Variants in GRID2 observed in about 807,000 individuals in gnomAD.
GRID2 encodes the protein glutamate ionotropic receptor delta type subunit 2, also known as glutamate receptor ionotropic, delta-2.
Under a neutral mutation model 114.8 loss-of-function variants are expected in GRID2, and 33 were observed. The observed-to-expected ratio is 0.29, with a 90% confidence interval of 0.22 to 0.38. GRID2 has a LOEUF of 0.38. Ranked by LOEUF, GRID2 falls within the 10% of genes least tolerant of loss-of-function variation. GRID2 has a pLI of 1.00. For missense variants in GRID2, 1,184 were observed against 1,257.7 expected, an observed-to-expected ratio of 0.94 and a Z score of 0.89; for synonymous variants, 505 against 449.9, an observed-to-expected ratio of 1.12 and a Z score of -1.55.
At chr4:92,698,516 G>A (rs1252288042) in intron 2 of GRID2, among the ~76,000 whole-genome samples, 1 of 151,462 alleles carries the variant, frequency 6.6e-6, no homozygotes, top group African/African-American at 2.4e-5. Context: ...TAGCTGGAGG[G>A]TCATATTATG....
intron 1 of GRID2, among the ~76,000 whole-genome samples, chr4:92,399,392 A>G (rs1730668686): frequency 6.6e-6 from 1 of 152,074 alleles, no homozygotes; most frequent in South Asian, 2.1e-4. Context: ...TCCCACTAAC[A>G]GCCGTTGAGC....
At chr4:92,805,459 TTATG>T (rs1740363814) in intron 2 of GRID2, among the ~76,000 whole-genome samples, 1 of 152,042 alleles carries the variant, frequency 6.6e-6, no homozygotes, top group Non-Finnish European at 1.5e-5. Context: ...GTCTGAGAAT[TTATG>T]TAGCAAAAGC....
chr4:92,873,660 C>T (rs939982287), intron 2 of GRID2, among the ~76,000 whole-genome samples: 1 of 152,050 alleles, frequency 6.6e-6, no homozygotes, highest in African/African-American at 2.4e-5. Context: ...GGAGGGAAAT[C>T]TTGCTGAATT....
At chr4:93,631,501 T>A (rs62320927) in intron 14 of GRID2, among the ~76,000 whole-genome samples, 27,546 of 152,208 alleles carry the variant, frequency 0.18, 2,814 homozygotes, top group Middle Eastern at 0.35. Flanking sequence ...TTGCTGAGAA[T>A]GATGGTTTCC....
chr4:93,163,386 A>ATG (rs1560941797), intron 4 of GRID2, among the ~76,000 whole-genome samples: 14 of 45,288 alleles, frequency 3.1e-4, no homozygotes, highest in African/African-American at 1.1e-3. Context: ...ATATATATAT[A>ATG]TATATATATA....
intron 2 of GRID2, among the ~76,000 whole-genome samples, chr4:92,833,168 T>C (rs1272198643): frequency 1.3e-5 from 2 of 152,292 alleles, no homozygotes; most frequent in South Asian, 2.1e-4. Context: ...AATGATTGAG[T>C]TGAAGTCAAG....
chr4:92,451,389 G>T (rs1460083236), intron 1 of GRID2, among the ~76,000 whole-genome samples: 1 of 152,088 alleles, frequency 6.6e-6, no homozygotes. Context: ...AATAGCTGAA[G>T]CCAATATTTT....
chr4:92,993,488 T>A (rs959907833), intron 2 of GRID2, among the ~76,000 whole-genome samples: 6 of 152,140 alleles, frequency 3.9e-5, no homozygotes, highest in Non-Finnish European at 7.4e-5. Context: ...GAATACAAAA[T>A]TTTTCAATAT....
At chr4:92,381,250 G>A (rs1729606612) in intron 1 of GRID2, among the ~76,000 whole-genome samples, 1 of 152,030 alleles carries the variant, frequency 6.6e-6, no homozygotes, top group Non-Finnish European at 1.5e-5. Flanking sequence ...CGGAGTGACT[G>A]AACCAAAATC....
chr4:92,968,607 A>C (rs1223101575), intron 2 of GRID2, among the ~76,000 whole-genome samples: 1 of 152,052 alleles, frequency 6.6e-6, no homozygotes, highest in African/African-American at 2.4e-5. Context: ...TAATTTAGAA[A>C]ACTTAAAAAA....
At chr4:92,438,104 C>A (rs1196329298) in intron 1 of GRID2, among the ~76,000 whole-genome samples, 1 of 152,102 alleles carries the variant, frequency 6.6e-6, no homozygotes, top group Non-Finnish European at 1.5e-5. Flanking sequence ...GACTTTCCAT[C>A]GTTGGTATTG....
intron 2 of GRID2, among the ~76,000 whole-genome samples, chr4:92,842,011 C>G (rs1742934236): frequency 6.6e-6 from 1 of 152,176 alleles, no homozygotes. Flanking sequence ...GAAGTTACTA[C>G]CAAATTGCAG....
At chr4:92,721,172 G>C (rs1482186326) in intron 2 of GRID2, among the ~76,000 whole-genome samples, 1 of 152,080 alleles carries the variant, frequency 6.6e-6, no homozygotes. Context: ...TGGGAAGTTA[G>C]TGTTCAATGG....
At chr4:92,496,621 G>A (rs185790392) in intron 1 of GRID2, among the ~76,000 whole-genome samples, 128 of 151,370 alleles carry the variant, frequency 8.5e-4, no homozygotes, top group Non-Finnish European at 1.2e-3. Flanking sequence ...GTTTATTTAT[G>A]TTAAATTAAA....
At chr4:93,591,516 T>C (rs949083788) in intron 13 of GRID2, among the ~76,000 whole-genome samples, 19 of 152,212 alleles carry the variant, frequency 1.2e-4, no homozygotes, top group African/African-American at 4.1e-4. Flanking sequence ...TCTAAAATTC[T>C]CTTTTTTGGT....
intron 1 of GRID2, among the ~76,000 whole-genome samples, chr4:92,429,081 A>G (rs1732307637): frequency 6.6e-6 from 1 of 151,974 alleles, no homozygotes; most frequent in South Asian, 2.1e-4. Flanking sequence ...CTCATTGTTC[A>G]ACTCCCACTT....
At chr4:92,960,703 A>T (rs906693720) in intron 2 of GRID2, among the ~76,000 whole-genome samples, 2 of 151,924 alleles carry the variant, frequency 1.3e-5, no homozygotes, top group African/African-American at 4.8e-5. Flanking sequence ...CTTATCTTTT[A>T]ATTGATATAT....
chr4:93,338,563 T>G (rs1402877821), intron 8 of GRID2, among the ~76,000 whole-genome samples: 1 of 152,196 alleles, frequency 6.6e-6, no homozygotes, highest in African/African-American at 2.4e-5. Context: ...AATTTTGTAT[T>G]TATAAAGTTT....
Position 93,358,971 on chromosome 4 carries a change from TTAAG to T in GRID2, c.1246-36632_1246-36629del, listed in dbSNP as rs1162085764. Among the ~76,000 whole-genome samples, 4 of 152,180 alleles carry T rather than the reference TTAAG, an allele frequency of 2.6e-5. No homozygotes were observed. In the South Asian group the frequency reaches 6.2e-4, roughly 24 times the overall value. On this transcript the variant is annotated intron_variant, in intron 8 of 15. Transcript: ENST00000282020. Reference sequence around the variant, plus strand: ...TGTTCTCCATCACTCAATTAGCAGTTTAAGTAACACCATTTATTATTTATCATGA... The same window carrying T: ...TGTTCTCCATCACTCAATTAGCAGTTTAACACCATTTATTATTTATCATGA...
Sources: allele counts gnomAD v4.1 joint callset (sites outside exome capture counted in the v4.1 genomes callset), GRCh38; gene constraint gnomAD v4.1.1; transcripts MANE v1.5; gene names NCBI Gene and HGNC (gene_info 2026-07-23, HGNC 2026-07-21).